Variants in PA2G4 observed in about 807,000 individuals in gnomAD.
The protein encoded by PA2G4 is proliferation-associated protein 2G4.
Under a neutral mutation model 53.3 loss-of-function variants are expected in PA2G4, and 8 were observed. That is an observed-to-expected ratio of 0.15 (90% CI 0.09 to 0.27). The LOEUF (loss-of-function observed/expected upper bound fraction) is 0.27. Among genes scored for constraint, PA2G4 ranks in the 10% least tolerant of loss-of-function variants. The pLI is 1.00. For missense variants in PA2G4, 208 were observed against 486.8 expected (o/e 0.43, Z 5.39); for synonymous variants, 143 against 169.8 (o/e 0.84, Z 1.23).
chr12:56,105,531 T>C (rs1273488471), intron 1 of PA2G4, among the ~76,000 whole-genome samples: 1 of 152,252 alleles, frequency 6.6e-6, no homozygotes, highest in East Asian at 1.9e-4. Context: ...TTCCAATCTG[T>C]GCAGATAGTC....
intron 1 of PA2G4, chr12:56,105,112 T>C (rs1869269102): frequency 1.5e-6 from 1 of 665,308 alleles, no homozygotes; most frequent in Non-Finnish European, 2.8e-6. Flanking sequence ...AGACGTGTTT[T>C]CTCTTGTTCC....
chr12:56,108,027 A>C (rs1345287108), intron 5 of PA2G4, among the ~76,000 whole-genome samples: 2 of 152,178 alleles, frequency 1.3e-5, no homozygotes, highest in Non-Finnish European at 2.9e-5. Flanking sequence ...ACCCTGTCTC[A>C]CAAAAGAAAA....
intron 4 of PA2G4, 123 bp from the exon 5 acceptor site, chr12:56,107,398 T>C: frequency 1.0e-6 from 1 of 1,003,964 alleles, no homozygotes; most frequent in South Asian, 1.3e-5. Flanking sequence ...TTGTTGTTGT[T>C]GTTGTTTTTA....
chr12:56,109,445 C>G (rs1869371481), intron 6 of PA2G4, 152 bp downstream of exon 6: 1 of 558,606 alleles, frequency 1.8e-6, no homozygotes, highest in East Asian at 3.4e-5. Flanking sequence ...CATGGTGAAA[C>G]CCCGTCTCTA....
chr12:56,108,033 G>A (rs1035352939), intron 5 of PA2G4, among the ~76,000 whole-genome samples: 1 of 151,954 alleles, frequency 6.6e-6, no homozygotes, highest in Non-Finnish European at 1.5e-5. Flanking sequence ...TCTCACAAAA[G>A]AAAAAGGAAA....
chr12:56,113,459 G>C lies in PA2G4; in HGVS notation c.*571G>C. 1 of 202,592 alleles carries C rather than the reference G, an allele frequency of 4.9e-6. No individual in the cohort carries two copies. The highest frequency in any genetic ancestry group is 1.4e-4 in the South Asian group (1 of 7,392). The allele number at this position is 202,592 out of a possible 1,614,324, so 12.5% of individuals were successfully genotyped here. On this transcript the variant is annotated 3_prime_UTR_variant, in exon 13 of 13. Coordinates refer to ENST00000303305, the MANE Select transcript of PA2G4 (RefSeq NM_006191.3). ...CAGTCAGGCCCCTCCCATTTTAGGA[G>C]CTGGAGCCTTCATTTATGAAGAGAT...
chr12:56,109,124 C>CA (rs59103730), intron 5 of PA2G4, 106 bp from the exon 6 acceptor site: 29,945 of 379,370 alleles, frequency 0.079, 1 homozygote, highest in South Asian at 0.11. Context: ...GACTCCATCT[C>CA]AAAAAAAAAA....
intron 5 of PA2G4, 90 bp from the exon 6 acceptor site, chr12:56,109,140 A>C (rs2136840799): frequency 3.8e-6 from 3 of 784,706 alleles, no homozygotes; most frequent in Non-Finnish European, 6.1e-6. Flanking sequence ...AAAAAAAAAA[A>C]ACGCTCAGTT....
At chr12:56,110,506 G>C (rs762505202) in intron 8 of PA2G4, 29 bp downstream of exon 8, 2 of 1,613,812 alleles carry the variant, frequency 1.2e-6, no homozygotes, top group Non-Finnish European at 1.7e-6. Context: ...TTGGCAAAGA[G>C]GGGTGACTGA....
intron 1 of PA2G4, chr12:56,105,124 A>G (rs1014743093): frequency 3.1e-6 from 2 of 644,770 alleles, no homozygotes; most frequent in Non-Finnish European, 5.8e-6. Context: ...TCTTGTTCCT[A>G]TCCTTCATTC....
chr12:56,106,523 A>G, intron 1 of PA2G4, 65 bp from the exon 2 acceptor site: 1 of 1,438,272 alleles, frequency 7.0e-7, no homozygotes, highest in South Asian at 1.5e-5. Flanking sequence ...ACTTCCAGGT[A>G]TTCCTTGGGT....
chr12:56,104,580 T>C lies in PA2G4; in HGVS notation c.-158T>C. 1.3e-6 allele frequency: 1 copy of C among 791,856 alleles called. No individual in the cohort carries two copies. The allele number at this position is 791,856 out of a possible 1,614,324, so 49.1% of individuals were successfully genotyped here. On this transcript the variant is annotated 5_prime_UTR_variant, in exon 1 of 13. Coordinates refer to ENST00000303305, the MANE Select transcript of PA2G4 (RefSeq NM_006191.3). ...CCTCAGCCCGCGCGCTCGCAGCTTC[T>C]CGCTCTCGCCTGCCTGCCCGCTCCC...
chr12:56,107,964 G>A (rs1869335713), intron 5 of PA2G4, among the ~76,000 whole-genome samples: 1 of 152,220 alleles, frequency 6.6e-6, no homozygotes, highest in African/African-American at 2.4e-5. Flanking sequence ...GGGAGATTGA[G>A]GCTGTGCTGA....
At chr12:56,106,767 C>T (rs530071737) in intron 2 of PA2G4, 51 bp downstream of exon 2, 2 of 1,551,446 alleles carry the variant, frequency 1.3e-6, no homozygotes, top group East Asian at 2.2e-5. Context: ...TTATTTGGTC[C>T]TATATGTTTT....
intron 1 of PA2G4, chr12:56,106,327 C>T (rs1391812262): frequency 3.2e-6 from 1 of 312,254 alleles, no homozygotes; most frequent in Non-Finnish European, 5.9e-6. Context: ...ATGGCAAGAA[C>T]CCTCTGAAGT....
Position 56,113,491 on chromosome 12 carries a change from C to G in PA2G4, c.*603C>G, listed in dbSNP as rs1476756294. On this transcript the variant is annotated 3_prime_UTR_variant, in exon 13 of 13. Coordinates refer to ENST00000303305, the MANE Select transcript of PA2G4 (RefSeq NM_006191.3). Reference sequence around the variant, plus strand: ...CCTTCATTTATGAAGAGATTCTCATCTATGAAATGGATCCTCATTTGTAAA... The same window carrying G: ...CCTTCATTTATGAAGAGATTCTCATGTATGAAATGGATCCTCATTTGTAAA... 4.1e-6 allele frequency: 1 copy of G among 245,260 alleles called. No homozygotes were observed. Among genetic ancestry groups the G allele is most frequent in the African/African-American group, 2.2e-5 (1 of 44,452 alleles). 15.2% of individuals were successfully genotyped at this position (245,260 alleles called of 1,614,324 possible). A position where few individuals can be genotyped will look rare whatever the true frequency, so the allele number is the denominator to read the frequency against.
At chr12:56,108,556 T>C (rs1408167045) in intron 5 of PA2G4, among the ~76,000 whole-genome samples, 2 of 152,350 alleles carry the variant, frequency 1.3e-5, no homozygotes, top group East Asian at 3.9e-4. Flanking sequence ...TAATATAAAA[T>C]AGGCATGTGT....
chr12:56,104,873 T>G, intron 1 of PA2G4, 48 bp downstream of exon 1: 2 of 1,507,412 alleles, frequency 1.3e-6, no homozygotes, highest in African/African-American at 1.4e-5. Context: ...TAGGGAAAGG[T>G]AACAGGCTGG....
At chr12:56,107,499 G>A in intron 4 of PA2G4, 22 bp from the exon 5 acceptor site, 1 of 1,552,238 alleles carries the variant, frequency 6.4e-7, no homozygotes. Flanking sequence ...GGAAGATACT[G>A]ATTGCATGTC....
Sources: gnomAD v4.1 joint callset for allele counts (sites outside exome capture counted in the v4.1 genomes callset) on GRCh38, gnomAD v4.1.1 for gene constraint, MANE v1.5 for transcripts, NCBI Gene and HGNC (gene_info 2026-07-23, HGNC 2026-07-21) for gene names.